RUSF1: variants seen among roughly 807,000 people sequenced by gnomAD.
RUSF1 encodes RUS1 family protein C16orf58.
In RUSF1, 58 loss-of-function variants were observed where a neutral mutation model predicts 63.0. The ratio of observed to expected loss-of-function variants is 0.92; its 90% CI spans 0.75 to 1.15. The LOEUF (loss-of-function observed/expected upper bound fraction) is 1.15, where lower values mean the gene tolerates loss of function less well. Ranked by LOEUF, RUSF1 falls within the 50% of genes most tolerant of loss-of-function variation. The pLI, the probability that RUSF1 is intolerant of heterozygous loss-of-function variation, is 0.00. For synonymous variants in RUSF1, 274 were observed against 255.8 expected, an observed-to-expected ratio of 1.07 and a Z score of -0.68; for missense variants, 652 against 611.0, an observed-to-expected ratio of 1.07 and a Z score of -0.71.
At chr16:31,505,319 G>A (rs908575851) in intron 2 of RUSF1, among the ~76,000 whole-genome samples, 1 of 152,000 alleles carries the variant, frequency 6.6e-6, no homozygotes, top group Non-Finnish European at 1.5e-5. Flanking sequence ...CTATCACCCT[G>A]TTCTCCTGCC....
Position 31,490,596 on chromosome 16 carries a change from C to T in RUSF1, c.*239G>A, listed in dbSNP as rs1027771675. ...ACAGGAAGTGGGGGTGAGGAGCCTGCGGTGCTCCCCAGAAAAGGGGAAGGG... is the reference window on the plus strand; with the variant it reads ...ACAGGAAGTGGGGGTGAGGAGCCTGTGGTGCTCCCCAGAAAAGGGGAAGGG... On this transcript the variant is annotated 3_prime_UTR_variant, in exon 13 of 13. Coordinates refer to ENST00000327237, the MANE Select transcript of RUSF1 (RefSeq NM_022744.4). 1.2e-5 allele frequency: 17 copies of T among 1,393,078 alleles called. No homozygotes were observed. Among genetic ancestry groups the T allele is most frequent in the Middle Eastern group, 3.6e-4 (2 of 5,586 alleles). The allele number at this position is 1,393,078 out of a possible 1,614,324, so 86.3% of individuals were successfully genotyped here.
rs766877388 is a variant in RUSF1, at chr16:31,499,342, A to G, written c.560T>C (p.Ile187Thr). Residue 187 changes from isoleucine (I) to threonine (T), a missense_variant, in exon 5 of 13, where the codon ATC (isoleucine) becomes ACC (threonine). Ile to Thr is a moderately conservative substitution (Grantham distance 89). Coordinates refer to ENST00000327237, the MANE Select transcript of RUSF1 (RefSeq NM_022744.4). ...GGTGGAGACGGTCATGGTGAAACAG[A>G]TTGGGTATACAGGAGCCATAATCTC... ...FLEIMAPVYP[I>T]CFTMTVSTSN... 5 of 1,613,846 alleles carry G rather than the reference A, an allele frequency of 3.1e-6. No homozygotes were observed. The highest frequency in any genetic ancestry group is 3.3e-5 in the Admixed American group (2 of 60,014).
Position 31,493,751 on chromosome 16 carries a change from G to A in RUSF1, c.810C>T (p.Leu270=), listed in dbSNP as rs1349811143. Residue 270 remains leucine (L), a synonymous_variant, in exon 8 of 13, where the codon CTC becomes CTT. Transcript: ENST00000327237. ...SLGCFFFLTA[L]HIYANYRAVR... ...CCGCGCGGTAGTTGGCGTAGATGTG[G>A]AGGGCAGTGAGGAAGAAGAAACATC... is the stretch of plus-strand genomic sequence containing the variant. 2.5e-6 allele frequency: 4 copies of A among 1,614,244 alleles called. No individual in the cohort carries two copies. The Admixed American group carries it at 6.7e-5, about 27-fold the overall frequency.
intron 2 of RUSF1, among the ~76,000 whole-genome samples, chr16:31,507,154 A>G (rs1043873950): frequency 1.3e-5 from 2 of 152,256 alleles, no homozygotes; most frequent in African/African-American, 4.8e-5. Context: ...GGACAGTGGC[A>G]AAAGCCATGG....
intron 6 of RUSF1, among the ~76,000 whole-genome samples, chr16:31,496,296 A>G (rs1197715672): frequency 6.6e-6 from 1 of 152,146 alleles, no homozygotes; most frequent in Non-Finnish European, 1.5e-5. Flanking sequence ...CCTGGCCTCA[A>G]GTGATCCTCC....
chr16:31,492,005 T>C lies in RUSF1; in HGVS notation c.1309+4A>G, dbSNP rs2082572173. 2 of 1,614,046 alleles carry C rather than the reference T, an allele frequency of 1.2e-6. No homozygotes were observed. Among genetic ancestry groups the C allele is most frequent in the East Asian group, 4.5e-5 (2 of 44,876 alleles). On this transcript the variant is annotated splice_donor_region_variant and intron_variant, in intron 12 of 12. Transcript: ENST00000327237. ...CCAAGCAGCCATGGGCTGAGGGATG[T>C]TACCTTTCAAGAACTTTGGGAACAG...
chr16:31,497,037 C>T (rs935228808), intron 5 of RUSF1, 87 bp from the exon 6 acceptor site: 15 of 1,065,238 alleles, frequency 1.4e-5, no homozygotes, highest in Middle Eastern at 2.0e-4. Flanking sequence ...AACCTGGCCC[C>T]GGCCAAACTC....
rs2082673891 is a variant in RUSF1, at chr16:31,508,321, G to C, written c.53C>G (p.Ser18Cys). The C allele has an allele frequency of 3.8e-6, 6 of 1,577,852 alleles. No homozygotes were observed. In the South Asian group the frequency reaches 5.7e-5, roughly 15 times the overall value. The change falls in exon 1 of 13, where the codon TCC (serine) becomes TGC (cysteine). Residue 18 changes from serine to cysteine, a missense_variant. Physicochemically the swap from Ser to Cys is moderately radical, Grantham distance 112. Transcript: ENST00000327237. Reference sequence around the variant, plus strand: ...GGCGCGGCAGCCCCGTGCCTCCCCGGAGCCGAACTGCTCGGAACACAGCGG... The same window carrying C: ...GGCGCGGCAGCCCCGTGCCTCCCCGCAGCCGAACTGCTCGGAACACAGCGG... ...ETPLCSEQFGSGEARGCRAAA... is the reference protein window; with the variant it reads ...ETPLCSEQFGCGEARGCRAAA...
chr16:31,494,164 C>G (rs1325277285), intron 6 of RUSF1, among the ~76,000 whole-genome samples: 1 of 151,874 alleles, frequency 6.6e-6, no homozygotes, highest in African/African-American at 2.4e-5. Context: ...GTGGGCAGAT[C>G]ACTTGAGTCC....
intron 12 of RUSF1, among the ~76,000 whole-genome samples, chr16:31,491,148 G>C (rs1220868486): frequency 6.6e-6 from 1 of 152,106 alleles, no homozygotes; most frequent in Non-Finnish European, 1.5e-5. Flanking sequence ...CAGACAAAAC[G>C]TCCTCATCAG....
chr16:31,508,307 C>A lies in RUSF1; in HGVS notation c.67G>T (p.Gly23Cys). 1 of 1,576,858 alleles carries A rather than the reference C, an allele frequency of 6.3e-7. No homozygotes were observed. Among genetic ancestry groups the A allele is most frequent in the Non-Finnish European group, 8.6e-7 (1 of 1,164,850 alleles). The change falls in exon 1 of 13, where the codon GGC (glycine) becomes TGC (cysteine). Residue 23 changes from glycine (G) to cysteine (C), a missense_variant. Physicochemically the swap from Gly to Cys is radical, Grantham distance 159. Coordinates refer to ENST00000327237, the MANE Select transcript of RUSF1 (RefSeq NM_022744.4). ...SEQFGSGEAR[G>C]CRAAADGSLQ... is the part of the protein sequence containing the mutation. ...CTCCCGTCCGCGGCGGCGCGGCAGC[C>A]CCGTGCCTCCCCGGAGCCGAACTGC...
intron 2 of RUSF1, among the ~76,000 whole-genome samples, chr16:31,501,343 T>C (rs1852112188): frequency 1.3e-5 from 2 of 151,944 alleles, no homozygotes; most frequent in Non-Finnish European, 1.5e-5. Flanking sequence ...TCCCAGCACT[T>C]TGGGATTACA....
Position 31,508,125 on chromosome 16 carries a change from A to T in RUSF1, c.249T>A (p.Pro83=), listed in dbSNP as rs1000109958. 1 of 1,602,532 alleles carries T rather than the reference A, an allele frequency of 6.2e-7. No individual in the cohort carries two copies. Among genetic ancestry groups the T allele is most frequent in the African/African-American group, 1.3e-5 (1 of 74,522 alleles). The change falls in exon 1 of 13, where the codon CCT becomes CCA. Residue 83 remains proline, a synonymous_variant. Transcript: ENST00000327237. ...GCAAGTAGTCCGGGCTGACGCTATC[A>T]GGGAAGCCCTGAGGCAGGAACACGG... The part of the protein sequence containing the change: ...LQAVFLPQGF[P]DSVSPDYLPY...
intron 12 of RUSF1, among the ~76,000 whole-genome samples, chr16:31,491,502 A>T (rs1168410247): frequency 6.6e-6 from 1 of 151,720 alleles, no homozygotes; most frequent in Non-Finnish European, 1.5e-5. Flanking sequence ...TTTTTGGTAG[A>T]GACAGGGTTT....
chr16:31,500,225 G>A (rs1056662084), intron 3 of RUSF1, among the ~76,000 whole-genome samples: 8 of 152,168 alleles, frequency 5.3e-5, no homozygotes, highest in Non-Finnish European at 8.8e-5. Flanking sequence ...ATCTCCTGGA[G>A]GGAATGGGAA....
rs779344272 is a variant in RUSF1 at position 31,508,180 on chromosome 16, G to A, written c.194C>T (p.Ala65Val). The A allele has an allele frequency of 2.5e-6, 4 of 1,570,824 alleles. No individual in the cohort carries two copies. Among genetic ancestry groups the A allele is most frequent in the Admixed American group, 3.7e-5 (2 of 53,746 alleles). ...RDAGEVGASG[A>V]PSPPLSGLQA... ...GAGCCCGGAGAGGGGCGGTGAGGGG[G>A]CCCCGGAAGCCCCCACTTCGCCCGC... is the stretch of plus-strand genomic sequence containing the variant. Residue 65 changes from alanine (A) to valine (V), a missense_variant, in exon 1 of 13, where the codon GCC (alanine) becomes GTC (valine). Ala to Val is a moderately conservative substitution (Grantham distance 64, BLOSUM62 0). Transcript: ENST00000327237.
rs145716653 is a variant in RUSF1, at chr16:31,490,464, G to T, written c.*371C>A. 1 of 1,613,894 alleles carries T rather than the reference G, an allele frequency of 6.2e-7. No homozygotes were observed. The highest frequency in any genetic ancestry group is 8.5e-7 in the Non-Finnish European group (1 of 1,180,014). ...GGACATCAGCGAGGACCCGAGCTGG[G>T]CCCGTGTGGTCAACCTCAATGCCCT... On this transcript the variant is annotated 3_prime_UTR_variant, in exon 13 of 13. Coordinates refer to ENST00000327237, the MANE Select transcript of RUSF1 (RefSeq NM_022744.4).
intron 2 of RUSF1, among the ~76,000 whole-genome samples, chr16:31,504,014 T>TCAGTC: frequency 6.6e-6 from 1 of 152,154 alleles, no homozygotes; most frequent in Non-Finnish European, 1.5e-5. Context: ...AGACAGGGTC[T>TCAGTC]CAGTCTGTCA....
chr16:31,493,876 C>A lies in RUSF1; in HGVS notation c.763G>T (p.Gly255Cys). 6.2e-7 allele frequency: 1 copy of A among 1,614,208 alleles called. No homozygotes were observed. The highest frequency in any genetic ancestry group is 8.5e-7 in the Non-Finnish European group (1 of 1,180,052). The change falls in exon 7 of 13, where the codon GGT becomes TGT. Residue 255 changes from glycine (G) to cysteine (C), a missense_variant. Coordinates refer to ENST00000327237, the MANE Select transcript of RUSF1 (RefSeq NM_022744.4). The stretch of plus-strand genomic sequence containing the variant: ...CTGCTTCCGGCTTACCCAGGGCAAC[C>A]TGACACCAGAGGGAGCATCAGGAGG... ...VSLLMLPLVS[G>C]CPGFSLGCFF...
Sources: gnomAD v4.1 joint callset for allele counts (sites outside exome capture counted in the v4.1 genomes callset) on GRCh38, gnomAD v4.1.1 for gene constraint, MANE v1.5 for transcripts, NCBI Gene and HGNC (gene_info 2026-07-23, HGNC 2026-07-21) for gene names.